The following WDR72 variants were observed in gnomAD, a reference collection of about 807,000 sequenced individuals.
WDR72 encodes the protein WD repeat-containing protein 72.
In WDR72, 120 loss-of-function variants were observed where a neutral mutation model predicts 124.2. That is an observed-to-expected ratio of 0.97 (90% CI 0.83 to 1.12). The LOEUF (loss-of-function observed/expected upper bound fraction) is 1.12. Ranked by LOEUF, WDR72 falls within the 50% of genes most tolerant of loss-of-function variation. The pLI is 0.00. For synonymous variants in WDR72, 452 were observed against 441.7 expected, an observed-to-expected ratio of 1.02 and a Z score of -0.29; for missense variants, 1,387 against 1,278.8, an observed-to-expected ratio of 1.08 and a Z score of -1.29.
chr15:53,616,123 G>T lies in WDR72; in HGVS notation c.2083C>A (p.Pro695Thr). ...GAGTCAACATCACTGAGTGGAGTTG[G>T]TAGCAAAAGTTCAACAAGGTTTTCC... ...DLENLVELLL[P>T]TPLSDVDSSS... is the part of the protein sequence containing the mutation. Residue 695 changes from proline to threonine, a missense_variant, in exon 15 of 20, where the codon CCA becomes ACA. Physicochemically the swap from Pro to Thr is conservative, Grantham distance 38. Transcript: ENST00000360509. The T allele has an allele frequency of 6.2e-7, 1 of 1,604,216 alleles. No homozygotes were observed.
intron 13 of WDR72, among the ~76,000 whole-genome samples, chr15:53,680,863 G>C (rs2016356653): frequency 6.6e-6 from 1 of 152,166 alleles, no homozygotes; most frequent in Non-Finnish European, 1.5e-5. Context: ...ATGTGAAAAG[G>C]ACTGGGGAAA....
chr15:53,595,312 C>G (rs1458084415), intron 18 of WDR72, among the ~76,000 whole-genome samples: 1 of 152,054 alleles, frequency 6.6e-6, no homozygotes, highest in Non-Finnish European at 1.5e-5. Context: ...AAGATGCATT[C>G]TGGCCATCTT....
chr15:53,729,930 C>T (rs921668999), intron 2 of WDR72, among the ~76,000 whole-genome samples: 1 of 152,156 alleles, frequency 6.6e-6, no homozygotes, highest in African/African-American at 2.4e-5. Context: ...AGAATTAACA[C>T]TCCATAAATA....
intron 18 of WDR72, among the ~76,000 whole-genome samples, chr15:53,532,856 C>T (rs981015353): frequency 1.3e-5 from 2 of 152,014 alleles, no homozygotes; most frequent in African/African-American, 4.8e-5. Flanking sequence ...CATCATTATA[C>T]ATGTATACGT....
intron 17 of WDR72, among the ~76,000 whole-genome samples, chr15:53,599,507 G>A (rs2012945454): frequency 6.6e-6 from 1 of 152,092 alleles, no homozygotes; most frequent in Admixed American, 6.6e-5. Flanking sequence ...ACAGAAATTA[G>A]GATAAGAGCT....
chr15:53,749,778 G>C (rs1447546408), intron 1 of WDR72, among the ~76,000 whole-genome samples: 1 of 152,156 alleles, frequency 6.6e-6, no homozygotes, highest in African/African-American at 2.4e-5. Context: ...CGAAACAATT[G>C]CTGATATGGA....
At chr15:53,586,429 T>G (rs1260472331) in intron 18 of WDR72, among the ~76,000 whole-genome samples, 1 of 152,066 alleles carries the variant, frequency 6.6e-6, no homozygotes, top group African/African-American at 2.4e-5. Flanking sequence ...ATAAGTAGAT[T>G]ACATGAACCT....
intron 14 of WDR72, among the ~76,000 whole-genome samples, chr15:53,634,924 T>C (rs2014570145): frequency 6.6e-6 from 1 of 152,164 alleles, no homozygotes; most frequent in Admixed American, 6.5e-5. Context: ...TGCATTCCAC[T>C]TTTCCTGTCA....
chr15:53,524,282 C>T (rs1460999459), intron 18 of WDR72, among the ~76,000 whole-genome samples: 7 of 152,044 alleles, frequency 4.6e-5, no homozygotes, highest in African/African-American at 9.7e-5. Context: ...GCAATAAACA[C>T]GACTACTGAT....
intron 2 of WDR72, among the ~76,000 whole-genome samples, chr15:53,726,264 G>GTATATATATATATATATATATATATATA (rs34367324): frequency 9.1e-6 from 1 of 110,356 alleles, no homozygotes; most frequent in African/African-American, 4.6e-5. Flanking sequence ...ATGTATGTGT[G>GTATATATATATATATATATATATATATA]TATATATATA....
At chr15:53,713,413 A>ATTTTATTTTATTTTATTT (rs749786881) in intron 6 of WDR72, among the ~76,000 whole-genome samples, 1 of 112,526 alleles carries the variant, frequency 8.9e-6, no homozygotes, top group East Asian at 2.6e-4. Context: ...ATTTTGTTGT[A>ATTTTATTTTATTTTATTT]TTTTATTTTA....
At chr15:53,670,234 A>G (rs1234382612) in intron 13 of WDR72, among the ~76,000 whole-genome samples, 1 of 152,220 alleles carries the variant, frequency 6.6e-6, no homozygotes, top group Non-Finnish European at 1.5e-5. Flanking sequence ...ATTAGAGACC[A>G]GAGCTAATCA....
chr15:53,661,513 T>C (rs187435981), intron 14 of WDR72, among the ~76,000 whole-genome samples: 1 of 152,282 alleles, frequency 6.6e-6, no homozygotes, highest in East Asian at 1.9e-4. Context: ...TTAGGTCCCT[T>C]CTTCAACACT....
chr15:53,662,313 G>C (rs1445131922), intron 14 of WDR72, among the ~76,000 whole-genome samples: 3 of 152,080 alleles, frequency 2.0e-5, no homozygotes, highest in Non-Finnish European at 4.4e-5. Flanking sequence ...TTTCAAATTG[G>C]AATTATTTTC....
At chr15:53,742,196 G>A (rs776659395) in intron 1 of WDR72, among the ~76,000 whole-genome samples, 1 of 152,142 alleles carries the variant, frequency 6.6e-6, no homozygotes, top group Non-Finnish European at 1.5e-5. Context: ...CCCCAGAAAC[G>A]TAGTGTCTTG....
intron 3 of WDR72, among the ~76,000 whole-genome samples, chr15:53,721,532 C>G (rs1311589649): frequency 6.6e-6 from 1 of 152,186 alleles, no homozygotes; most frequent in Admixed American, 6.5e-5. Context: ...GGACATTTCA[C>G]TTTAGACTTA....
intron 13 of WDR72, among the ~76,000 whole-genome samples, chr15:53,690,077 GA>G (rs1362750253): frequency 1.8e-5 from 2 of 108,502 alleles, no homozygotes; most frequent in Admixed American, 2.5e-4. Flanking sequence ...GGGGTGGGGG[GA>G]GGGGGGAGGG....
chr15:53,633,041 T>C (rs960939075), intron 14 of WDR72, among the ~76,000 whole-genome samples: 2 of 152,168 alleles, frequency 1.3e-5, no homozygotes, highest in African/African-American at 4.8e-5. Context: ...GATTCTATTT[T>C]ACAATGTGAG....
chr15:53,545,068 G>A (rs1595749347), intron 18 of WDR72, among the ~76,000 whole-genome samples: 7 of 147,924 alleles, frequency 4.7e-5, no homozygotes, highest in Non-Finnish European at 8.9e-5. Flanking sequence ...AATCAATATC[G>A]TGAAAATGGC....
Sources: gnomAD v4.1 joint callset for allele counts (sites outside exome capture counted in the v4.1 genomes callset) on GRCh38, gnomAD v4.1.1 for gene constraint, MANE v1.5 for transcripts, NCBI Gene and HGNC (gene_info 2026-07-23, HGNC 2026-07-21) for gene names.